The following NAV3 variants were observed in gnomAD, a reference collection of about 807,000 sequenced individuals.
The protein encoded by NAV3 is neuron navigator 3, also known as pore membrane and/or filament interacting like protein 1.
Under a neutral mutation model 244.7 loss-of-function variants are expected in NAV3, and 87 were observed. The ratio of observed to expected loss-of-function variants is 0.36; its 90% CI spans 0.30 to 0.42. NAV3 has a LOEUF of 0.42. Among genes scored for constraint, NAV3 ranks in the 20% least tolerant of loss-of-function variants. The pLI is 1.00. For synonymous variants in NAV3, 1,126 were observed against 1,042.2 expected, an observed-to-expected ratio of 1.08 and a Z score of -1.55; for missense variants, 2,663 against 2,893.3, an observed-to-expected ratio of 0.92 and a Z score of 1.83.
At chr12:77,909,250 A>G (rs982696420) in intron 1 of NAV3, among the ~76,000 whole-genome samples, 2 of 152,102 alleles carry the variant, frequency 1.3e-5, no homozygotes, top group African/African-American at 4.8e-5. Flanking sequence ...CACTATCTGT[A>G]TCTTAACATA....
At chr12:78,202,720 AGG>A (rs1959847823) in intron 38 of NAV3, among the ~76,000 whole-genome samples, 1 of 151,896 alleles carries the variant, frequency 6.6e-6, no homozygotes, top group Non-Finnish European at 1.5e-5. Context: ...TTTTTGGGGG[AGG>A]GGAATCCAGC....
intron 1 of NAV3, among the ~76,000 whole-genome samples, chr12:77,846,680 GTTAAA>G (rs1231529929): frequency 6.6e-6 from 1 of 152,078 alleles, no homozygotes; most frequent in Admixed American, 6.5e-5. Context: ...TTATTGCCTT[GTTAAA>G]TTAAGGATTC....
intron 1 of NAV3, among the ~76,000 whole-genome samples, chr12:77,928,378 G>A (rs1025960825): frequency 6.6e-6 from 1 of 152,048 alleles, no homozygotes; most frequent in African/African-American, 2.4e-5. Flanking sequence ...ATCTGGACAC[G>A]AACTAGGTAG....
chr12:77,658,093 GGAA>G (rs1378522009), intron 2 of NAV3, among the ~76,000 whole-genome samples: 2 of 151,900 alleles, frequency 1.3e-5, no homozygotes, highest in Non-Finnish European at 2.9e-5. Flanking sequence ...ACATAGTGTT[GGAA>G]GTTCTGGCCA....
chr12:77,718,860 T>C (rs944369550), intron 2 of NAV3, among the ~76,000 whole-genome samples: 11 of 152,052 alleles, frequency 7.2e-5, no homozygotes, highest in African/African-American at 2.4e-4. Flanking sequence ...TTCTGCATGT[T>C]GGTCAGGTGG....
At chr12:78,085,172 A>G (rs1241433633) in intron 12 of NAV3, among the ~76,000 whole-genome samples, 1 of 152,192 alleles carries the variant, frequency 6.6e-6, no homozygotes, top group African/African-American at 2.4e-5. Flanking sequence ...TGCAATAACA[A>G]GTAACCCTCT....
intron 12 of NAV3, among the ~76,000 whole-genome samples, chr12:78,062,197 G>A (rs2137464650): frequency 6.6e-6 from 1 of 152,202 alleles, no homozygotes; most frequent in African/African-American, 2.4e-5. Flanking sequence ...ATCACCAGTA[G>A]CTAGCATACT....
intron 2 of NAV3, among the ~76,000 whole-genome samples, chr12:77,686,927 G>A (rs903564459): frequency 3.3e-5 from 5 of 151,822 alleles, no homozygotes; most frequent in African/African-American, 4.8e-5. Flanking sequence ...AACAAAACAA[G>A]CCTAAACATG....
rs111533766 is a variant in NAV3, at chr12:77,781,175, A to G, written c.73-159144A>G. On this transcript the variant is annotated intron_variant, in intron 2 of 8. Coordinates refer to the NAV3 transcript ENST00000550042. ...TCCGTAAACCCGAAATAAGATTCTG[A>G]GGCCTCCCAACCATCTGAATGGACC... Among the ~76,000 whole-genome samples the G allele has an allele frequency of 9.4e-3, 1,434 of 152,244 alleles. 18 individuals are homozygous for G. The highest frequency in any genetic ancestry group is 0.032 in the African/African-American group (1,348 of 41,546).
chr12:77,845,847 G>C (rs1244247747), intron 1 of NAV3, among the ~76,000 whole-genome samples: 1 of 151,852 alleles, frequency 6.6e-6, no homozygotes, highest in Non-Finnish European at 1.5e-5. Flanking sequence ...GAGACGGGGT[G>C]TCTCCATGTT....
intron 2 of NAV3, among the ~76,000 whole-genome samples, chr12:77,669,641 A>G (rs1450356739): frequency 1.3e-5 from 2 of 152,320 alleles, no homozygotes; most frequent in Admixed American, 6.5e-5. Context: ...CTAGTACAAC[A>G]GGAAAATATC....
rs201739272 is a variant in NAV3 at position 78,175,281 on chromosome 12, T to C, written c.4982-25T>C. The C allele has an allele frequency of 4.4e-6, 7 of 1,608,286 alleles. No homozygotes were observed. The South Asian group carries it at 5.5e-5, about 13-fold the overall frequency. ...CAGATCGAGACTCTTCATGAGCCGA[T>C]GTGATACTCTCCCTCTATTGCTAGA... On this transcript the variant is annotated intron_variant, in intron 24 of 39. Coordinates refer to ENST00000397909, the MANE Select transcript of NAV3 (RefSeq NM_001024383.2).
chr12:77,948,191 TAAATA>T (rs1890540593), intron 3 of NAV3, among the ~76,000 whole-genome samples: 1 of 152,050 alleles, frequency 6.6e-6, no homozygotes, highest in Non-Finnish European at 1.5e-5. Flanking sequence ...ATTTAGAAAT[TAAATA>T]AAAGTTAAAA....
chr12:78,190,314 A>G (rs976206809), intron 34 of NAV3, 95 bp downstream of exon 34: 2 of 959,202 alleles, frequency 2.1e-6, no homozygotes, highest in Non-Finnish European at 1.6e-6. Flanking sequence ...CATGTTGTAC[A>G]TGGAAAAGAA....
At chr12:77,879,123 T>A (rs1489852389) in intron 1 of NAV3, among the ~76,000 whole-genome samples, 1 of 152,154 alleles carries the variant, frequency 6.6e-6, no homozygotes, top group East Asian at 1.9e-4. Context: ...CAGCTGCTGC[T>A]GCAAGAACTA....
chr12:77,801,890 C>G (rs1871726261), intron 2 of NAV3, among the ~76,000 whole-genome samples: 1 of 152,118 alleles, frequency 6.6e-6, no homozygotes, highest in Non-Finnish European at 1.5e-5. Flanking sequence ...CTTGTCTTAG[C>G]CTCCCTTTCA....
chr12:77,589,682 C>T (rs760246391), intron 2 of NAV3, among the ~76,000 whole-genome samples: 3 of 152,198 alleles, frequency 2.0e-5, no homozygotes, highest in Non-Finnish European at 4.4e-5. Context: ...ATTCAATCAC[C>T]CTCCACCAGT....
At chr12:77,623,494 C>A (rs1273011082) in intron 2 of NAV3, among the ~76,000 whole-genome samples, 1 of 152,146 alleles carries the variant, frequency 6.6e-6, no homozygotes, top group Admixed American at 6.5e-5. Flanking sequence ...TTCCAAAGTG[C>A]CCACACAGCT....
chr12:77,717,402 C>T (rs1052456873), intron 2 of NAV3, among the ~76,000 whole-genome samples: 30 of 152,056 alleles, frequency 2.0e-4, no homozygotes, highest in African/African-American at 7.0e-4. Context: ...GCTTATTTCA[C>T]TTATCATGAT....
Sources: allele counts gnomAD v4.1 joint callset (sites outside exome capture counted in the v4.1 genomes callset), GRCh38; gene constraint gnomAD v4.1.1; transcripts MANE v1.5; gene names NCBI Gene and HGNC (gene_info 2026-07-23, HGNC 2026-07-21).